Variants in ELAPOR2 observed in about 807,000 individuals in gnomAD.
ELAPOR2 encodes the protein endosome-lysosome associated apoptosis and autophagy regulator family member 2, also known as endosome/lysosome-associated apoptosis and autophagy regulator family member 2.
In ELAPOR2, 89 loss-of-function variants were observed where a neutral mutation model predicts 120.7. The observed-to-expected ratio is 0.74, with a 90% CI of 0.62 to 0.88. The LOEUF (loss-of-function observed/expected upper bound fraction) is 0.88, where lower values mean the gene tolerates loss of function less well. Ranked by LOEUF, ELAPOR2 falls within the 40% of genes least tolerant of loss-of-function variation. The pLI is 0.00. For missense variants in ELAPOR2, 1,134 were observed against 1,251.6 expected, an observed-to-expected ratio of 0.91 and a Z score of 1.42; for synonymous variants, 444 against 444.9, an observed-to-expected ratio of 1.00 and a Z score of 0.03.
chr7:86,914,964 C>T lies in ELAPOR2; in HGVS notation c.1594-104G>A, dbSNP rs1043321085. 2.5e-5 allele frequency: 23 copies of T among 921,674 alleles called. 1 individual carries two copies. Among genetic ancestry groups the T allele is most frequent in the Non-Finnish European group, 3.6e-5 (23 of 643,198 alleles). 57.1% of individuals were successfully genotyped at this position (921,674 alleles called of 1,614,324 possible). ...ATTCATATTTAAAGTAAACCCATTACAGTTTATGACTATTTACAAACAGAG... is the reference window on the plus strand; with the variant it reads ...ATTCATATTTAAAGTAAACCCATTATAGTTTATGACTATTTACAAACAGAG... On this transcript the variant is annotated intron_variant, in intron 12 of 21. Coordinates refer to ENST00000450689, the MANE Select transcript of ELAPOR2 (RefSeq NM_001142749.3).
intron 1 of ELAPOR2, among the ~76,000 whole-genome samples, chr7:87,041,740 G>A (rs1360500749): frequency 6.6e-6 from 1 of 151,372 alleles, no homozygotes; most frequent in Non-Finnish European, 1.5e-5. Flanking sequence ...CATCATGACA[G>A]GATCAAATTC....
intron 2 of ELAPOR2, among the ~76,000 whole-genome samples, chr7:86,952,695 A>G (rs74742422): frequency 0.031 from 4,779 of 152,320 alleles, 254 homozygotes; most frequent in African/African-American, 0.11. Context: ...AAGGAAAATA[A>G]TAACAATAGC....
intron 18 of ELAPOR2, among the ~76,000 whole-genome samples, chr7:86,903,515 T>G (rs987357432): frequency 6.6e-6 from 1 of 152,130 alleles, no homozygotes; most frequent in Admixed American, 6.5e-5. Context: ...GAACTGAAAA[T>G]GGATACATAT....
At chr7:86,884,843 T>G (rs1197115270) in intron 21 of ELAPOR2, among the ~76,000 whole-genome samples, 2 of 152,196 alleles carry the variant, frequency 1.3e-5, no homozygotes, top group East Asian at 1.9e-4. Context: ...GGGCCATTTT[T>G]GGGCTCAACA....
intron 1 of ELAPOR2, among the ~76,000 whole-genome samples, chr7:86,983,703 GAAC>G (rs1290434139): frequency 6.6e-6 from 1 of 152,162 alleles, no homozygotes; most frequent in Non-Finnish European, 1.5e-5. Context: ...ACATGGGAAG[GAAC>G]AACTGGTACC....
At chr7:86,923,980 G>A (rs1789943782) in intron 10 of ELAPOR2, among the ~76,000 whole-genome samples, 1 of 151,936 alleles carries the variant, frequency 6.6e-6, no homozygotes, top group African/African-American at 2.4e-5. Context: ...AGTCAAGTTG[G>A]GCAAAGCACA....
At chr7:86,887,551 C>A (rs982384371) in intron 21 of ELAPOR2, among the ~76,000 whole-genome samples, 1 of 152,078 alleles carries the variant, frequency 6.6e-6, no homozygotes, top group Admixed American at 6.6e-5. Context: ...TGAAACAAAT[C>A]AGTATAAAGT....
At chr7:87,049,635 C>T (rs567022590) in intron 1 of ELAPOR2, among the ~76,000 whole-genome samples, 9 of 152,004 alleles carry the variant, frequency 5.9e-5, no homozygotes, top group Non-Finnish European at 1.3e-4. Flanking sequence ...TGAGTAGAAA[C>T]CTGAAGTGCA....
At chr7:86,914,902 C>A (rs1253659349) in intron 12 of ELAPOR2, 42 bp from the exon 13 acceptor site, 4 of 1,494,950 alleles carry the variant, frequency 2.7e-6, no homozygotes, top group Non-Finnish European at 1.8e-6. Flanking sequence ...AAAGCACAAA[C>A]TCAACATTAA....
Position 86,986,290 on chromosome 7 carries a change from G to A in ELAPOR2, c.190-21266C>T, listed in dbSNP as rs1224557796. ...TAAAAATACAAAAAATTAGCCGGGC[G>A]TAGTGGCGGGCGCCTGTAGTCCCAG... On this transcript the variant is annotated intron_variant, in intron 1 of 21. Transcript: ENST00000450689. 9.4e-5 allele frequency among the ~76,000 whole-genome samples: 11 copies of A among 116,570 alleles called. 3 individuals are homozygous for A. The highest frequency in any genetic ancestry group is 3.9e-4 in the African/African-American group (10 of 25,334). The allele number at this position is 116,570 out of a possible 152,430, so 76.5% of individuals were successfully genotyped here. A position where few individuals can be genotyped will look rare whatever the true frequency, so the allele number is the denominator to read the frequency against.
Position 86,912,243 on chromosome 7 carries a change from G to T in ELAPOR2, c.1998C>A (p.Asp666Glu), listed in dbSNP as rs1261034439. The T allele has an allele frequency of 1.3e-6, 2 of 1,578,364 alleles. No individual in the cohort carries two copies. Among genetic ancestry groups the T allele is most frequent in the Admixed American group, 1.7e-5 (1 of 58,840 alleles). The stretch of plus-strand genomic sequence containing the variant: ...AGCAGTCACTATAGCAAACCGAATG[G>T]TCCTTTGATTAAAGATAAAGAAACA... ...PCGPGSKNNQ[D>E]HSVCYSDCFF... The change falls in exon 15 of 22, where the codon GAC (aspartate) becomes GAA (glutamate). Residue 666 changes from aspartate to glutamate, a missense_variant and splice_region_variant. By Grantham distance (45) the Asp-to-Glu change is conservative (BLOSUM62 2). This residue lies in a region of ELAPOR2 where 831 missense variants were observed against 867.6 expected (regional missense o/e 0.96). Coordinates refer to ENST00000450689, the MANE Select transcript of ELAPOR2 (RefSeq NM_001142749.3).
chr7:87,041,153 G>T lies in ELAPOR2; in HGVS notation c.189+18172C>A, dbSNP rs530428929. On this transcript the variant is annotated intron_variant, in intron 1 of 21. Coordinates refer to ENST00000450689, the MANE Select transcript of ELAPOR2 (RefSeq NM_001142749.3). ...TATGTCTGATTGGTGTACCTGAAAG[G>T]GATGGGCAGAATGGAACCAAGTTGG... is the stretch of plus-strand genomic sequence containing the variant. Among the ~76,000 whole-genome samples the T allele has an allele frequency of 6.0e-3, 905 of 151,702 alleles. 7 individuals are homozygous for T. The highest frequency in any genetic ancestry group is 0.021 in the African/African-American group (867 of 40,974).
At chr7:87,004,130 G>A (rs1364432879) in intron 1 of ELAPOR2, among the ~76,000 whole-genome samples, 1 of 152,152 alleles carries the variant, frequency 6.6e-6, no homozygotes, top group African/African-American at 2.4e-5. Flanking sequence ...AAGGGAGAGG[G>A]CCAAGGCAGG....
chr7:86,929,720 T>C (rs1415141994), intron 8 of ELAPOR2, among the ~76,000 whole-genome samples: 1 of 151,932 alleles, frequency 6.6e-6, no homozygotes, highest in African/African-American at 2.4e-5. Context: ...TCTGTCCCCA[T>C]GCAAGTCTTA....
intron 1 of ELAPOR2, among the ~76,000 whole-genome samples, chr7:87,055,946 G>T (rs1347574339): frequency 2.6e-5 from 4 of 152,154 alleles, no homozygotes; most frequent in Non-Finnish European, 5.9e-5. Context: ...GCTATTTTGT[G>T]ATTTAATTTA....
intron 11 of ELAPOR2, 94 bp from the exon 12 acceptor site, chr7:86,918,638 T>C (rs1456917127): frequency 3.9e-6 from 3 of 762,408 alleles, no homozygotes; most frequent in South Asian, 3.4e-5. Flanking sequence ...CTAAAAGCCA[T>C]GCTCTTCTCT....
At chr7:87,011,830 T>G (rs935984312) in intron 1 of ELAPOR2, among the ~76,000 whole-genome samples, 4 of 152,112 alleles carry the variant, frequency 2.6e-5, no homozygotes, top group Non-Finnish European at 5.9e-5. Flanking sequence ...TTTTAAATAT[T>G]CAGCATAACA....
At position 87,005,441 on chromosome 7, in the gene ELAPOR2, C is replaced by G. The variant is rs149778368; in HGVS notation, c.190-40417G>C. ...TCCACACATGACATATTTCACCTAA[C>G]AGCAAAAAACACAATGATTTGTCCT... On this transcript the variant is annotated intron_variant, in intron 1 of 21. Coordinates refer to ENST00000450689, the MANE Select transcript of ELAPOR2 (RefSeq NM_001142749.3). Among the ~76,000 whole-genome samples, 175 of 152,200 alleles carry G rather than the reference C, an allele frequency of 1.1e-3. 1 individual carries two copies. Among genetic ancestry groups the G allele is most frequent in the African/African-American group, 4.1e-3 (170 of 41,534 alleles).
At chr7:86,945,913 A>C (rs1790980930) in intron 3 of ELAPOR2, among the ~76,000 whole-genome samples, 1 of 152,096 alleles carries the variant, frequency 6.6e-6, no homozygotes, top group Admixed American at 6.5e-5. Flanking sequence ...ACACATGGAG[A>C]CGTGTGTATG....
Sources: allele counts gnomAD v4.1 joint callset (sites outside exome capture counted in the v4.1 genomes callset), GRCh38; gene constraint gnomAD v4.1.1; regional missense constraint gnomAD v4.1.1; transcripts MANE v1.5; gene names NCBI Gene and HGNC (gene_info 2026-07-23, HGNC 2026-07-21).